RAPGEF4: variants seen among roughly 807,000 people sequenced by gnomAD.
RAPGEF4 encodes the protein RAP guanine-nucleotide-exchange factor (GEF) 4.
Under a neutral mutation model 147.9 loss-of-function variants are expected in RAPGEF4, and 66 were observed. The observed-to-expected ratio is 0.45, with a 90% CI of 0.37 to 0.55. The LOEUF (loss-of-function observed/expected upper bound fraction) is 0.55. Among genes scored for constraint, RAPGEF4 ranks in the 20% least tolerant of loss-of-function variants. The pLI is 0.00. For missense variants in RAPGEF4, 1,071 were observed against 1,257.3 expected, an observed-to-expected ratio of 0.85 and a Z score of 2.24; for synonymous variants, 419 against 442.7, an observed-to-expected ratio of 0.95 and a Z score of 0.67.
At chr2:172,754,828 G>A (rs1384267465) in intron 1 of RAPGEF4, among the ~76,000 whole-genome samples, 2 of 152,180 alleles carry the variant, frequency 1.3e-5, no homozygotes, top group Non-Finnish European at 1.5e-5. Flanking sequence ...GGATCACGAG[G>A]TCAGGAGATG....
intron 1 of RAPGEF4, among the ~76,000 whole-genome samples, chr2:172,762,143 T>G (rs1011226223): frequency 6.6e-6 from 1 of 152,158 alleles, no homozygotes; most frequent in Non-Finnish European, 1.5e-5. Context: ...AAAACAAACA[T>G]GCTGCTTTCT....
At chr2:173,046,591 GA>G (rs1043447540) in intron 29 of RAPGEF4, among the ~76,000 whole-genome samples, 1 of 152,124 alleles carries the variant, frequency 6.6e-6, no homozygotes, top group Non-Finnish European at 1.5e-5. Context: ...TTAGAGAAGT[GA>G]AAAAACAACT....
chr2:172,774,584 GTGGAAAGC>G (rs1683975013), intron 1 of RAPGEF4, among the ~76,000 whole-genome samples: 1 of 152,210 alleles, frequency 6.6e-6, no homozygotes, highest in Non-Finnish European at 1.5e-5. Flanking sequence ...CTAAAATGGT[GTGGAAAGC>G]TGAGCATTGG....
At chr2:173,004,980 G>C (rs1694287153) in intron 17 of RAPGEF4, among the ~76,000 whole-genome samples, 1 of 151,914 alleles carries the variant, frequency 6.6e-6, no homozygotes, top group South Asian at 2.1e-4. Flanking sequence ...GTGTCACATA[G>C]AGTACTGGGC....
chr2:172,973,162 G>C (rs1690689630), intron 10 of RAPGEF4, among the ~76,000 whole-genome samples: 1 of 150,680 alleles, frequency 6.6e-6, no homozygotes, highest in East Asian at 1.9e-4. Flanking sequence ...ACCCAGGCTG[G>C]AGTGCAGTGG....
intron 15 of RAPGEF4, among the ~76,000 whole-genome samples, chr2:172,994,540 C>A (rs1438846261): frequency 6.6e-6 from 1 of 152,200 alleles, no homozygotes; most frequent in Non-Finnish European, 1.5e-5. Flanking sequence ...GTAAACAGGA[C>A]GACCTTATTC....
chr2:172,788,988 G>A (rs189795461), intron 1 of RAPGEF4, among the ~76,000 whole-genome samples: 1 of 152,296 alleles, frequency 6.6e-6, no homozygotes, highest in East Asian at 1.9e-4. Context: ...ATTTTTGGCA[G>A]AATTCAGTTC....
intron 17 of RAPGEF4, among the ~76,000 whole-genome samples, chr2:173,005,662 A>G (rs1158366752): frequency 6.6e-6 from 1 of 151,616 alleles, no homozygotes; most frequent in African/African-American, 2.4e-5. Context: ...AGCTGGAACT[A>G]CAGGCACGCA....
intron 4 of RAPGEF4, among the ~76,000 whole-genome samples, chr2:172,864,249 T>C (rs920936349): frequency 6.6e-6 from 1 of 151,848 alleles, no homozygotes; most frequent in African/African-American, 2.4e-5. Context: ...GGGGCAAAAG[T>C]TGAGAGGAAA....
chr2:172,907,510 C>T (rs1699745734), intron 4 of RAPGEF4, among the ~76,000 whole-genome samples: 2 of 152,196 alleles, frequency 1.3e-5, no homozygotes, highest in South Asian at 2.1e-4. Flanking sequence ...TTGTGCTCTT[C>T]GTTTCTCCAT....
Position 172,950,242 on chromosome 2 carries a change from T to C in RAPGEF4, c.538-10518T>C, listed in dbSNP as rs904265258. Among the ~76,000 whole-genome samples, 6 of 151,952 alleles carry C rather than the reference T, an allele frequency of 3.9e-5. No individual in the cohort carries two copies. In the East Asian group the frequency reaches 9.6e-4, roughly 24 times the overall value. On this transcript the variant is annotated intron_variant, in intron 6 of 30. Transcript: ENST00000397081. ...GAATCCAATTCCTTGATGAGGGCGG[T>C]AGGGGAGGGGCTGGGTTTCTGGGGT...
At chr2:172,943,272 T>C (rs1383540334) in intron 6 of RAPGEF4, among the ~76,000 whole-genome samples, 1 of 152,132 alleles carries the variant, frequency 6.6e-6, no homozygotes, top group African/African-American at 2.4e-5. Context: ...AGGCACTGTG[T>C]ATAACTAGAA....
At chr2:172,898,116 G>A (rs1698710142) in intron 4 of RAPGEF4, among the ~76,000 whole-genome samples, 1 of 152,186 alleles carries the variant, frequency 6.6e-6, no homozygotes, top group South Asian at 2.1e-4. Context: ...AAAGAGGGAT[G>A]TGGGACCAGG....
chr2:173,026,452 A>C (rs1002774722), intron 23 of RAPGEF4, 120 bp from the exon 24 acceptor site: 2 of 1,115,036 alleles, frequency 1.8e-6, no homozygotes, highest in African/African-American at 3.2e-5. Flanking sequence ...CAGAGTTTCC[A>C]GATATTCCTG....
chr2:173,011,756 A>G (rs1695046699), intron 17 of RAPGEF4, among the ~76,000 whole-genome samples: 1 of 152,204 alleles, frequency 6.6e-6, no homozygotes, highest in Non-Finnish European at 1.5e-5. Context: ...TTGCCTAAGT[A>G]CTTGTAAAGC....
intron 4 of RAPGEF4, among the ~76,000 whole-genome samples, chr2:172,838,371 G>C (rs1455099040): frequency 1.3e-5 from 2 of 152,032 alleles, no homozygotes; most frequent in Admixed American, 6.5e-5. Context: ...AACACACTGG[G>C]AAATCCGCCT....
chr2:172,789,260 C>A (rs1413930397), intron 1 of RAPGEF4, among the ~76,000 whole-genome samples: 1 of 152,224 alleles, frequency 6.6e-6, no homozygotes, highest in African/African-American at 2.4e-5. Context: ...AAAATCTCTT[C>A]ACCTTTGCCA....
At chr2:172,947,511 CTG>C (rs1404719412) in intron 6 of RAPGEF4, among the ~76,000 whole-genome samples, 1 of 152,142 alleles carries the variant, frequency 6.6e-6, no homozygotes, top group Non-Finnish European at 1.5e-5. Context: ...AGACTCCCCT[CTG>C]TGGAGGTCGG....
intron 4 of RAPGEF4, among the ~76,000 whole-genome samples, chr2:172,884,673 G>A (rs1191143498): frequency 6.6e-6 from 1 of 152,156 alleles, no homozygotes; most frequent in African/African-American, 2.4e-5. Flanking sequence ...ACACATGTGT[G>A]CCCCAAAAGA....
Sources: allele counts gnomAD v4.1 joint callset (sites outside exome capture counted in the v4.1 genomes callset), GRCh38; gene constraint gnomAD v4.1.1; transcripts MANE v1.5; gene names NCBI Gene and HGNC (gene_info 2026-07-23, HGNC 2026-07-21).